The following MAN2B2 variants were observed in gnomAD, a reference collection of about 807,000 sequenced individuals.
MAN2B2 encodes the protein mannosidase alpha class 2B member 2, also known as epididymis-specific alpha-mannosidase.
Under a neutral mutation model 117.1 loss-of-function variants are expected in MAN2B2, and 106 were observed. That is an observed-to-expected ratio of 0.90 (90% CI 0.77 to 1.06). MAN2B2 has a LOEUF of 1.06. MAN2B2 is among the 50% of genes least tolerant of loss of function. The pLI is 0.00. For missense variants in MAN2B2, 1,326 were observed against 1,381.4 expected (o/e 0.96, Z 0.64); for synonymous variants, 544 against 595.1 (o/e 0.91, Z 1.25).
chr4:6,600,229 G>A (rs1407582068), intron 9 of MAN2B2, among the ~76,000 whole-genome samples: 1 of 152,242 alleles, frequency 6.6e-6, no homozygotes, highest in Non-Finnish European at 1.5e-5. Context: ...GTGGCTCACA[G>A]TGCCCAGCAC....
chr4:6,592,830 AT>A (rs1219707744), intron 5 of MAN2B2, among the ~76,000 whole-genome samples: 1 of 152,102 alleles, frequency 6.6e-6, no homozygotes, highest in Non-Finnish European at 1.5e-5. Context: ...TTTTGCATTA[AT>A]TTTCATTTTT....
At chr4:6,601,041 C>T (rs1727309780) in intron 10 of MAN2B2, among the ~76,000 whole-genome samples, 1 of 152,156 alleles carries the variant, frequency 6.6e-6, no homozygotes, top group African/African-American at 2.4e-5. Context: ...TCACAAGACC[C>T]CTAATTTCAG....
Position 6,576,632 on chromosome 4 carries a change from G to A in MAN2B2, c.193G>A (p.Ala65Thr), listed in dbSNP as rs1726071218. ...CTACACCTCAGTGGTGGAAGAGCTG[G>A]CCCGCGGCCAGCAGCGCCGGTTCAT... ...NVYTSVVEEL[A>T]RGQQRRFIAV... Residue 65 changes from alanine to threonine, a missense_variant, in exon 2 of 19, where the codon GCC becomes ACC. Coordinates refer to ENST00000285599, the MANE Select transcript of MAN2B2 (RefSeq NM_015274.3). The A allele has an allele frequency of 1.2e-6, 2 of 1,613,698 alleles. No individual in the cohort carries two copies. The highest frequency in any genetic ancestry group is 3.3e-5 in the Admixed American group (2 of 60,012).
chr4:6,600,913 T>C (rs966859993), intron 10 of MAN2B2, among the ~76,000 whole-genome samples, 157 bp downstream of exon 10: 8 of 152,144 alleles, frequency 5.3e-5, no homozygotes, highest in Admixed American at 1.3e-4. Context: ...GGGGTTTTTT[T>C]CCCAACACCA....
intron 1 of MAN2B2, among the ~76,000 whole-genome samples, 198 bp from the exon 2 acceptor site, chr4:6,576,380 C>T (rs190703255): frequency 1.6e-4 from 25 of 152,320 alleles, no homozygotes; most frequent in Admixed American, 1.6e-3. Context: ...CCGTCCCTCT[C>T]CCCCAGGAGA....
intron 17 of MAN2B2, chr4:6,617,747 C>T: frequency 4.3e-6 from 2 of 469,496 alleles, no homozygotes; most frequent in East Asian, 1.0e-4. Context: ...GTGGCACAAT[C>T]TCAGCTCACT....
chr4:6,611,111 A>G lies in MAN2B2; in HGVS notation c.2396A>G (p.Asn799Ser). 2 of 1,613,522 alleles carry G rather than the reference A, an allele frequency of 1.2e-6. No homozygotes were observed. The highest frequency in any genetic ancestry group is 2.2e-5 in the East Asian group (1 of 44,866). ...GTCATGCTCCACCGGCGGCTGTGGAACAACTTCGACTGGGACCTGGGCTAC... is the reference window on the plus strand; with the variant it reads ...GTCATGCTCCACCGGCGGCTGTGGAGCAACTTCGACTGGGACCTGGGCTAC... ...VEVMLHRRLW[N>S]NFDWDLGYNL... The change falls in exon 15 of 19, where the codon AAC becomes AGC. Residue 799 changes from asparagine (N) to serine (S), a missense_variant. By Grantham distance (46) the Asn-to-Ser change is conservative. Coordinates refer to ENST00000285599, the MANE Select transcript of MAN2B2 (RefSeq NM_015274.3).
chr4:6,580,752 C>T (rs75060873), intron 3 of MAN2B2, among the ~76,000 whole-genome samples: 1,861 of 152,300 alleles, frequency 0.012, 44 homozygotes, highest in African/African-American at 0.042. Flanking sequence ...CCACTGCTTA[C>T]TGGGCAAGGC....
chr4:6,619,964 A>G lies in MAN2B2; in HGVS notation c.2852A>G (p.Glu951Gly). The stretch of plus-strand genomic sequence containing the variant: ...GCGCTGGGGTCCGTGGTGGCAGTGG[A>G]GGAGCGCTCGCTCACAGGGACCTGG... The part of the protein sequence containing the change: ...LQALGSVVAV[E>G]ERSLTGTWDL... The change falls in exon 18 of 19, where the codon GAG becomes GGG. Residue 951 changes from glutamate to glycine, a missense_variant. Glu to Gly is a moderately conservative substitution (Grantham distance 98, BLOSUM62 -2). Transcript: ENST00000285599. 6.2e-7 allele frequency: 1 copy of G among 1,613,892 alleles called. No homozygotes were observed. Among genetic ancestry groups the G allele is most frequent in the Non-Finnish European group, 8.5e-7 (1 of 1,179,964 alleles).
Position 6,605,243 on chromosome 4 carries a change from G to A in MAN2B2, c.1728G>A (p.Ala576=), listed in dbSNP as rs370289738. 102 of 1,614,208 alleles carry A rather than the reference G, an allele frequency of 6.3e-5. No homozygotes were observed. Among genetic ancestry groups the A allele is most frequent in the African/African-American group, 4.7e-4 (35 of 75,064 alleles). The change falls in exon 11 of 19, where the codon GCG becomes GCA. Residue 576 remains alanine (A), a synonymous_variant. Transcript: ENST00000285599. ...GGCTGAGGAGACGCACCAGCCATGC[G>A]GGCAGGTACTTGGTGCCTGTGGCAA... ...GRRLRRRTSH[A]GRYLVPVAND... is the part of the protein sequence containing the mutation.
At chr4:6,619,764 G>A (rs1345025616) in intron 17 of MAN2B2, 163 bp from the exon 18 acceptor site, 3 of 657,898 alleles carry the variant, frequency 4.6e-6, no homozygotes, top group African/African-American at 1.8e-5. Context: ...CCTCGCAGAT[G>A]TGCTGTGAGA....
At chr4:6,613,879 G>A (rs1711717488) in intron 15 of MAN2B2, among the ~76,000 whole-genome samples, 1 of 152,084 alleles carries the variant, frequency 6.6e-6, no homozygotes. Flanking sequence ...AGGAAGAAAG[G>A]AGAGAGAGAG....
chr4:6,586,326 G>A (rs910514581), intron 3 of MAN2B2, among the ~76,000 whole-genome samples: 2 of 152,180 alleles, frequency 1.3e-5, no homozygotes, highest in African/African-American at 2.4e-5. Context: ...CTCCCAAAGT[G>A]CCAGGATGAC....
chr4:6,576,527 G>A (rs1316702231), intron 1 of MAN2B2, 51 bp from the exon 2 acceptor site: 2 of 1,590,362 alleles, frequency 1.3e-6, no homozygotes, highest in Admixed American at 1.7e-5. Flanking sequence ...GGGCCCCAGG[G>A]ACACTTGGTC....
At position 6,622,355 on chromosome 4, in the gene MAN2B2, C is replaced by T. The variant is rs1712212601; in HGVS notation, c.*1070C>T. 1 of 152,064 alleles carries T rather than the reference C, an allele frequency of 6.6e-6. No individual in the cohort carries two copies. The highest frequency in any genetic ancestry group is 1.5e-5 in the Non-Finnish European group (1 of 68,040). 9.4% of individuals were successfully genotyped at this position (152,064 alleles called of 1,614,324 possible). On this transcript the variant is annotated 3_prime_UTR_variant, in exon 19 of 19. Coordinates refer to ENST00000285599, the MANE Select transcript of MAN2B2 (RefSeq NM_015274.3). ...AAATTGTGGAATGATGGTTGCACAACTTTGTGAATATACTAGAAACCAATG... is the reference window on the plus strand; with the variant it reads ...AAATTGTGGAATGATGGTTGCACAATTTTGTGAATATACTAGAAACCAATG...
rs558066228 is a variant in MAN2B2 at position 6,616,650 on chromosome 4, T to TC, written c.2702-726dup. Among the ~76,000 whole-genome samples the TC allele has an allele frequency of 2.6e-4, 40 of 152,262 alleles. No individual in the cohort carries two copies. In the South Asian group the frequency reaches 7.7e-3, roughly 29 times the overall value. On this transcript the variant is annotated intron_variant, in intron 16 of 18. Transcript: ENST00000285599. ...CATTGGCCACAGAGGCCACGCAGCCTCCCCTGACTTCAAAGGGGGCAGGGT... is the reference window on the plus strand; with the variant it reads ...CATTGGCCACAGAGGCCACGCAGCCTCCCCCTGACTTCAAAGGGGGCAGGGT...
chr4:6,620,324 T>G, intron 18 of MAN2B2: 1 of 332,088 alleles, frequency 3.0e-6, no homozygotes, highest in Non-Finnish European at 5.7e-6. Context: ...GGGTGACAGC[T>G]AGGGGCCCAG....
intron 1 of MAN2B2, among the ~76,000 whole-genome samples, chr4:6,576,159 C>T (rs1409575521): frequency 2.0e-5 from 3 of 152,172 alleles, no homozygotes; most frequent in African/African-American, 7.2e-5. Context: ...CAGCTTTCCT[C>T]ATTTCAGCCC....
chr4:6,594,820 C>A, intron 7 of MAN2B2, 88 bp downstream of exon 7: 1 of 1,376,076 alleles, frequency 7.3e-7, no homozygotes, highest in Non-Finnish European at 1.0e-6. Context: ...GGCTGCTCGG[C>A]ACTGCTCTCC....
Sources: allele counts gnomAD v4.1 joint callset (sites outside exome capture counted in the v4.1 genomes callset), GRCh38; gene constraint gnomAD v4.1.1; transcripts MANE v1.5; gene names NCBI Gene and HGNC (gene_info 2026-07-23, HGNC 2026-07-21).